Variants in RASL11B observed in about 807,000 individuals in gnomAD.
The protein encoded by RASL11B is RAS like family 11 member B, also known as ras-like protein family member 11B.
Under a neutral mutation model 22.9 loss-of-function variants are expected in RASL11B, and 14 were observed. The ratio of observed to expected loss-of-function variants is 0.61; its 90% CI spans 0.40 to 0.96. RASL11B has a LOEUF of 0.96. RASL11B is among the 40% of genes least tolerant of loss of function. The pLI is 0.00. For missense variants in RASL11B, 261 were observed against 322.0 expected (o/e 0.81, Z 1.45); for synonymous variants, 143 against 130.2 (o/e 1.10, Z -0.67).
At chr4:52,864,782 A>G (rs1476018022) in intron 3 of RASL11B, among the ~76,000 whole-genome samples, 1 of 152,228 alleles carries the variant, frequency 6.6e-6, no homozygotes, top group Non-Finnish European at 1.5e-5. Context: ...AGGATTCAAC[A>G]CAGCCGGAAA....
chr4:52,862,729 G>T, intron 1 of RASL11B, 80 bp downstream of exon 1: 1 of 1,428,432 alleles, frequency 7.0e-7, no homozygotes, highest in Non-Finnish European at 9.2e-7. Context: ...CGTGGGGAGC[G>T]GTGGGAGCTG....
rs761168163 is a variant in RASL11B at position 52,865,617 on chromosome 4, TATA to T, written c.562_564del (p.Asn188del). ...CTATGAAGTGTCTGTCAGTGAAAATTATAATGATGTCTACAGCGCCTTCCACGT... is the reference window on the plus strand; with the variant it reads ...CTATGAAGTGTCTGTCAGTGAAAATTATGATGTCTACAGCGCCTTCCACGT... On this transcript the variant is annotated inframe_deletion, in exon 4 of 4. Coordinates refer to ENST00000248706, the MANE Select transcript of RASL11B (RefSeq NM_023940.3). 3.1e-6 allele frequency: 5 copies of T among 1,614,112 alleles called. No individual in the cohort carries two copies. The highest frequency in any genetic ancestry group is 1.1e-5 in the South Asian group (1 of 91,086).
At chr4:52,864,701 C>T in intron 3 of RASL11B, 147 bp downstream of exon 3, 2 of 690,078 alleles carry the variant, frequency 2.9e-6, no homozygotes, top group Non-Finnish European at 5.3e-6. Context: ...TCAATTGTAT[C>T]TGGCTGTTGG....
In RASL11B at chr4:52,866,020, T is replaced by A. The variant is rs559562415; in HGVS notation, c.*215T>A. 19 of 576,456 alleles carry A rather than the reference T, an allele frequency of 3.3e-5. 1 individual carries two copies. In the Middle Eastern group the frequency reaches 3.2e-3, roughly 97 times the overall value. 35.7% of individuals were successfully genotyped at this position (576,456 alleles called of 1,614,324 possible). On this transcript the variant is annotated 3_prime_UTR_variant, in exon 4 of 4. Transcript: ENST00000248706. Reference sequence around the variant, plus strand: ...GGCTTGAAAGAGCCCACTGAGCCACTCTCTGAATATGTGAAATGTACTCTG... The same window carrying A: ...GGCTTGAAAGAGCCCACTGAGCCACACTCTGAATATGTGAAATGTACTCTG...
Position 52,866,537 on chromosome 4 carries a change from C to T in RASL11B, c.*732C>T, listed in dbSNP as rs1381350095. The stretch of plus-strand genomic sequence containing the variant: ...GAGCTGTGAACTTCACGCTCTTCAA[C>T]CCCAGACTTTGACTGTATAGTTTTT... On this transcript the variant is annotated 3_prime_UTR_variant, in exon 4 of 4. Transcript: ENST00000248706. 6.6e-6 allele frequency: 1 copy of T among 152,442 alleles called. No individual in the cohort carries two copies. The allele number at this position is 152,442 out of a possible 1,614,324, so 9.4% of individuals were successfully genotyped here.
chr4:52,866,137 A>C lies in RASL11B; in HGVS notation c.*332A>C, dbSNP rs1718256069. The C allele has an allele frequency of 3.2e-6, 1 of 316,444 alleles. No homozygotes were observed. The highest frequency in any genetic ancestry group is 5.5e-5 in the South Asian group (1 of 18,150). The allele number at this position is 316,444 out of a possible 1,614,324, so 19.6% of individuals were successfully genotyped here. On this transcript the variant is annotated 3_prime_UTR_variant, in exon 4 of 4. Coordinates refer to ENST00000248706, the MANE Select transcript of RASL11B (RefSeq NM_023940.3). ...ATGGTGGTCCGTTGCAGTTTCACCA[A>C]ATGTATTGATGTGATTTACAGTGGG...
chr4:52,864,035 T>C (rs561349517), intron 2 of RASL11B: 1 of 165,696 alleles, frequency 6.0e-6, no homozygotes, highest in Admixed American at 6.0e-5. Context: ...ATTATAATTA[T>C]ATCACATTTT....
chr4:52,863,544 C>T (rs1385450510), intron 2 of RASL11B: 1 of 581,660 alleles, frequency 1.7e-6, no homozygotes. Context: ...TATCAAGTGC[C>T]TGAAAGTATT....
Position 52,862,337 on chromosome 4 carries a change from G to T in RASL11B, c.-171G>T, listed in dbSNP as rs762091155. ...AGTGCAGTCTGGGTCTGGAGCCTGA[G>T]CCCTGCGGAACCTCGGCGCTCGGCC... On this transcript the variant is annotated 5_prime_UTR_variant, in exon 1 of 4. Coordinates refer to ENST00000248706, the MANE Select transcript of RASL11B (RefSeq NM_023940.3). 4.0e-5 allele frequency: 26 copies of T among 645,012 alleles called. 1 individual carries two copies. In the East Asian group the frequency reaches 7.9e-4, roughly 20 times the overall value. 40.0% of individuals were successfully genotyped at this position (645,012 alleles called of 1,614,324 possible). A position where few individuals can be genotyped will look rare whatever the true frequency, so the allele number is the denominator to read the frequency against.
At chr4:52,863,872 A>G (rs1443161194) in intron 2 of RASL11B, among the ~76,000 whole-genome samples, 8 of 152,222 alleles carry the variant, frequency 5.3e-5, no homozygotes, top group Admixed American at 5.2e-4. Flanking sequence ...AAGAATAGCC[A>G]CTGGGGAGGC....
At position 52,862,617 on chromosome 4, in the gene RASL11B, C is replaced by A; in HGVS notation, c.110C>A (p.Ala37Asp). The A allele has an allele frequency of 6.3e-7, 1 of 1,589,612 alleles. No homozygotes were observed. The highest frequency in any genetic ancestry group is 8.5e-7 in the Non-Finnish European group (1 of 1,173,524). Residue 37 changes from alanine to aspartate, a missense_variant, in exon 1 of 4, where the codon GCC (alanine) becomes GAC (aspartate). Transcript: ENST00000248706. ...GCCGGCCGCCGCCTGGTCAAGATCG[C>A]CGTGGTGGGCGCCAGCGGCGTGGGC... ...GAAGRRLVKI[A>D]VVGASGVGKT...
At chr4:52,863,163 A>G in intron 1 of RASL11B, 105 bp from the exon 2 acceptor site, 1 of 965,636 alleles carries the variant, frequency 1.0e-6, no homozygotes, top group Non-Finnish European at 1.6e-6. Context: ...CTTGGTGGCC[A>G]TCTATGGCTT....
chr4:52,865,308 C>T (rs1560463942), intron 3 of RASL11B, 27 bp from the exon 4 acceptor site: 1 of 1,558,466 alleles, frequency 6.4e-7, no homozygotes, highest in Non-Finnish European at 8.8e-7. Context: ...GGCCAGCATT[C>T]ACCTTGCCAT....
chr4:52,863,199 A>T (rs556926565), intron 1 of RASL11B, 69 bp from the exon 2 acceptor site: 2 of 1,374,232 alleles, frequency 1.5e-6, no homozygotes, highest in Non-Finnish European at 2.1e-6. Flanking sequence ...TTTTCCAGGC[A>T]GGGGGTGGGG....
In RASL11B at chr4:52,865,772, C is replaced by T. The variant is rs746132463; in HGVS notation, c.714C>T (p.Leu238=). 1.9e-6 allele frequency: 3 copies of T among 1,613,784 alleles called. No homozygotes were observed. In the African/African-American group the frequency reaches 4.0e-5, roughly 22 times the overall value. ...QDLKRRFKQA[L]SAKVRTVTSV ...TGAAGAGGAGGTTTAAGCAAGCCCT[C>T]TCTGCCAAAGTGAGGACTGTCACCT... The change falls in exon 4 of 4, where the codon CTC becomes CTT. Residue 238 remains leucine (L), a synonymous_variant. Transcript: ENST00000248706.
chr4:52,866,124 T>C lies in RASL11B; in HGVS notation c.*319T>C, dbSNP rs1349934736. 5.9e-6 allele frequency: 2 copies of C among 337,876 alleles called. No individual in the cohort carries two copies. Among genetic ancestry groups the C allele is most frequent in the Non-Finnish European group, 1.1e-5 (2 of 184,002 alleles). 20.9% of individuals were successfully genotyped at this position (337,876 alleles called of 1,614,324 possible). On this transcript the variant is annotated 3_prime_UTR_variant, in exon 4 of 4. Coordinates refer to ENST00000248706, the MANE Select transcript of RASL11B (RefSeq NM_023940.3). Reference sequence around the variant, plus strand: ...AACTACCTTGTAAATGGTGGTCCGTTGCAGTTTCACCAAATGTATTGATGT... The same window carrying C: ...AACTACCTTGTAAATGGTGGTCCGTCGCAGTTTCACCAAATGTATTGATGT...
intron 2 of RASL11B, 39 bp from the exon 3 acceptor site, chr4:52,864,439 A>G: frequency 7.7e-7 from 1 of 1,293,322 alleles, no homozygotes. Context: ...AAAGTTGTAC[A>G]AGAAGGAAGA....
rs1718238783 is a variant in RASL11B at position 52,865,454 on chromosome 4, C to A, written c.396C>A (p.Leu132=). 30 of 1,614,184 alleles carry A rather than the reference C, an allele frequency of 1.9e-5. No individual in the cohort carries two copies. The highest frequency in any genetic ancestry group is 2.5e-5 in the Non-Finnish European group (29 of 1,180,028). The change falls in exon 4 of 4, where the codon CTC becomes CTA. Residue 132 remains leucine, a synonymous_variant. Coordinates refer to ENST00000248706, the MANE Select transcript of RASL11B (RefSeq NM_023940.3). The part of the protein sequence containing the change: ...DYKSYELISQ[L]HQHVQQLHLG... Reference sequence around the variant, plus strand: ...AGAGCTATGAACTCATCAGCCAGCTCCACCAGCACGTGCAGCAGCTACACC... The same window carrying A: ...AGAGCTATGAACTCATCAGCCAGCTACACCAGCACGTGCAGCAGCTACACC...
rs756403308 is a variant in RASL11B at position 52,862,665 on chromosome 4, T to G, written c.142+16T>G. 2.1e-5 allele frequency: 33 copies of G among 1,550,386 alleles called. No individual in the cohort carries two copies. In the South Asian group the frequency reaches 3.9e-4, roughly 18 times the overall value. ...GGCAAGACCGGTGAGTCGTCGCGCT[T>G]AGCCCTGGGTCTGGTCTTGGACGAC... On this transcript the variant is annotated intron_variant, in intron 1 of 3. Coordinates refer to ENST00000248706, the MANE Select transcript of RASL11B (RefSeq NM_023940.3).
Sources: gnomAD v4.1 joint callset for allele counts (sites outside exome capture counted in the v4.1 genomes callset) on GRCh38, gnomAD v4.1.1 for gene constraint, MANE v1.5 for transcripts, NCBI Gene and HGNC (gene_info 2026-07-23, HGNC 2026-07-21) for gene names.